HAS3: variants seen among roughly 807,000 people sequenced by gnomAD.
HAS3 encodes the protein HA synthase 3.
Under a neutral mutation model 50.3 loss-of-function variants are expected in HAS3, and 27 were observed. The observed-to-expected ratio is 0.54, with a 90% CI of 0.40 to 0.74. The LOEUF is 0.74. HAS3 is among the 30% of genes least tolerant of loss of function. HAS3 has a pLI of 0.00. For missense variants in HAS3, 517 were observed against 742.8 expected, an observed-to-expected ratio of 0.70 and a Z score of 3.53; for synonymous variants, 339 against 310.9, an observed-to-expected ratio of 1.09 and a Z score of -0.95.
chr16:69,103,197 A>T (rs1289186233), upstream of HAS3, among the ~76,000 whole-genome samples: 1 of 152,196 alleles, frequency 6.6e-6, no homozygotes, highest in African/African-American at 2.4e-5. Context: ...TTTGCTCTCC[A>T]CCAGGCTGAT....
At chr16:69,091,403 C>T in the HAS3 span, among the ~76,000 whole-genome samples, 9 of 152,132 alleles carry the variant, frequency 5.9e-5, no homozygotes, top group South Asian at 6.2e-4. Context: ...CTTTGCATAC[C>T]GAAACGTTTC....
chr16:69,109,342 G>T lies in HAS3; in HGVS notation c.1-54G>T. 6.5e-7 allele frequency: 1 copy of T among 1,545,444 alleles called. No homozygotes were observed. The highest frequency in any genetic ancestry group is 1.2e-5 in the South Asian group (1 of 81,802). ...AACAGAGAACACCCATGCTCCCACGGACTGGAAATGCTGCCTCCTGCCTGA... is the reference window on the plus strand; with the variant it reads ...AACAGAGAACACCCATGCTCCCACGTACTGGAAATGCTGCCTCCTGCCTGA... On this transcript the variant is annotated intron_variant, in intron 1 of 3. Coordinates refer to ENST00000569188, the MANE Select transcript of HAS3 (RefSeq NM_001199280.2). This position sits in a 1 kb window ranked among gnomAD's most constrained non-coding sequence, Gnocchi z 5.3.
At position 69,109,687 on chromosome 16, in the gene HAS3, CCTGA is replaced by C; in HGVS notation, c.295_298del (p.Asp99ThrfsTer139). ...GTGCATTGCCGCATACCAGGAGGACCCTGACTACTTGCGCAAGTGCCTGCGCTCG... is the reference window on the plus strand; with the variant it reads ...GTGCATTGCCGCATACCAGGAGGACCCTACTTGCGCAAGTGCCTGCGCTCG... On this transcript the variant is annotated frameshift_variant, in exon 2 of 4. Coordinates refer to ENST00000569188, the MANE Select transcript of HAS3 (RefSeq NM_001199280.2). LOFTEE classifies it high-confidence loss of function. This position sits in a 1 kb window ranked among gnomAD's most constrained non-coding sequence, Gnocchi z 5.3. 1.2e-6 allele frequency: 2 copies of C among 1,610,366 alleles called. No individual in the cohort carries two copies. Among genetic ancestry groups the C allele is most frequent in the Non-Finnish European group, 1.7e-6 (2 of 1,179,916 alleles).
chr16:69,094,271 A>ATTATCTAAT, the HAS3 span, among the ~76,000 whole-genome samples: 1 of 152,178 alleles, frequency 6.6e-6, no homozygotes. Flanking sequence ...ACACACAGGT[A>ATTATCTAAT]GCCACCTGGC....
At chr16:69,085,377 A>C in the HAS3 span, among the ~76,000 whole-genome samples, 4 of 152,226 alleles carry the variant, frequency 2.6e-5, no homozygotes, top group East Asian at 5.8e-4. Flanking sequence ...CTTTATCTCT[A>C]TTTATAGATC....
chr16:69,094,690 TAG>T, the HAS3 span, among the ~76,000 whole-genome samples: 3 of 152,206 alleles, frequency 2.0e-5, no homozygotes, highest in Admixed American at 2.0e-4. Context: ...TTCTGTCCTT[TAG>T]AAAACAAAGT....
At chr16:69,113,610 C>A in intron 3 of HAS3, 68 bp downstream of exon 3, 1 of 928,454 alleles carries the variant, frequency 1.1e-6, no homozygotes, top group Non-Finnish European at 1.7e-6. Flanking sequence ...ATTGGATATG[C>A]CTGGGAAATG....
At chr16:69,105,006 T>G (rs1477729241), upstream of HAS3, among the ~76,000 whole-genome samples, 78 of 80,336 alleles carry the variant, frequency 9.7e-4, no homozygotes, top group Non-Finnish European at 1.3e-3. Flanking sequence ...TTTTTTTTTT[T>G]TTTTTTTTTT....
Position 69,109,390 on chromosome 16 carries a change from C to A in HAS3, c.1-6C>A. The A allele has an allele frequency of 6.3e-7, 1 of 1,594,456 alleles. No individual in the cohort carries two copies. Among genetic ancestry groups the A allele is most frequent in the Non-Finnish European group, 8.5e-7 (1 of 1,172,566 alleles). ...TGACCCTTCATCTCCTGCCTTCTCT[C>A]GCCAGATGCCGGTGCAGCTGACGAC... On this transcript the variant is annotated splice_polypyrimidine_tract_variant and splice_region_variant and intron_variant, in intron 1 of 3. Coordinates refer to ENST00000569188, the MANE Select transcript of HAS3 (RefSeq NM_001199280.2). The surrounding 1 kb of genome is among the most constrained non-coding windows in gnomAD (Gnocchi z 5.3).
the HAS3 span, among the ~76,000 whole-genome samples, chr16:69,088,675 G>A: frequency 2.0e-5 from 3 of 152,114 alleles, no homozygotes; most frequent in Admixed American, 6.6e-5. Flanking sequence ...TTGTTGTTCA[G>A]AGGTAGCCTC....
intron 3 of HAS3, 28 bp downstream of exon 3, chr16:69,113,570 G>A (rs1567581295): frequency 2.3e-6 from 3 of 1,317,680 alleles, no homozygotes; most frequent in Non-Finnish European, 3.3e-6. Flanking sequence ...ATATCTGTGG[G>A]GAGGGGTCTG....
chr16:69,094,705 A>G, the HAS3 span, among the ~76,000 whole-genome samples: 1 of 152,152 alleles, frequency 6.6e-6, no homozygotes, highest in African/African-American at 2.4e-5. Flanking sequence ...AACAAAGTGA[A>G]TCCAAGTTGT....
chr16:69,108,965 C>A (rs776205804), intron 1 of HAS3, among the ~76,000 whole-genome samples: 1 of 152,170 alleles, frequency 6.6e-6, no homozygotes, highest in Non-Finnish European at 1.5e-5. Flanking sequence ...CCTCCCTGGC[C>A]CTCAGGTGCC....
the HAS3 span, among the ~76,000 whole-genome samples, chr16:69,096,847 G>C: frequency 1.3e-5 from 2 of 151,882 alleles, no homozygotes; most frequent in Non-Finnish European, 2.9e-5. Flanking sequence ...TCAATCTCCT[G>C]ACCTCGTGAT....
At chr16:69,094,929 CT>C in the HAS3 span, among the ~76,000 whole-genome samples, 2 of 151,624 alleles carry the variant, frequency 1.3e-5, no homozygotes, top group African/African-American at 4.9e-5. Context: ...CACATCCTTC[CT>C]TCTTTTATTT....
rs781265163 is a variant in HAS3 at position 69,109,746 on chromosome 16, G to A, written c.351G>A (p.Lys117=). 4.2e-5 allele frequency: 67 copies of A among 1,611,338 alleles called. No homozygotes were observed. Among genetic ancestry groups the A allele is most frequent in the Non-Finnish European group, 5.1e-5 (60 of 1,180,002 alleles). The change falls in exon 2 of 4, where the codon AAG becomes AAA. Residue 117 remains lysine, a synonymous_variant. Transcript: ENST00000569188. The surrounding 1 kb of genome is among the most constrained non-coding windows in gnomAD (Gnocchi z 5.3). The part of the protein sequence containing the change: ...SAQRISFPDL[K]VVMVVDGNRQ... ...AGCGCATCTCCTTCCCTGACCTCAA[G>A]GTGGTCATGGTGGTGGATGGCAACC...
At chr16:69,092,831 A>G in the HAS3 span, among the ~76,000 whole-genome samples, 3 of 152,272 alleles carry the variant, frequency 2.0e-5, no homozygotes, top group Admixed American at 6.5e-5. Flanking sequence ...AATCTCTGGG[A>G]AAACAACCAC....
rs1372534998 is a variant in HAS3, at chr16:69,114,771, C to T, written c.1167C>T (p.Phe389=). 6.2e-7 allele frequency: 1 copy of T among 1,614,162 alleles called. No individual in the cohort carries two copies. The highest frequency in any genetic ancestry group is 1.7e-5 in the Admixed American group (1 of 60,030). ...MTYESVVTGF[F]PFFLIATVIQ... The stretch of plus-strand genomic sequence containing the variant: ...ACGAGTCAGTGGTCACGGGTTTCTT[C>T]CCCTTCTTCCTCATTGCCACGGTTA... Residue 389 remains phenylalanine (F), a synonymous_variant, in exon 4 of 4, where the codon TTC becomes TTT. Transcript: ENST00000569188. The surrounding 1 kb of genome is among the most constrained non-coding windows in gnomAD (Gnocchi z 6.4).
At position 69,107,955 on chromosome 16, in the gene HAS3, G is replaced by C. The variant is rs1960864065; in HGVS notation, c.1-1441G>C. Among the ~76,000 whole-genome samples the C allele has an allele frequency of 6.6e-6, 1 of 152,258 alleles. No homozygotes were observed. Among genetic ancestry groups the C allele is most frequent in the Admixed American group, 6.5e-5 (1 of 15,288 alleles). On this transcript the variant is annotated intron_variant, in intron 1 of 3. Coordinates refer to ENST00000569188, the MANE Select transcript of HAS3 (RefSeq NM_001199280.2). This position sits in a 1 kb window ranked among gnomAD's most constrained non-coding sequence, Gnocchi z 5.5. ...CCGGAGTCTCAGGTCGATTTAGGCA[G>C]TGACTGCGTGTTCTTCGTCCCTTCT... is the stretch of plus-strand genomic sequence containing the variant.
Sources: allele counts gnomAD v4.1 joint callset (sites outside exome capture counted in the v4.1 genomes callset), GRCh38; gene constraint gnomAD v4.1.1; non-coding constraint Gnocchi (gnomAD v3.1); transcripts MANE v1.5; gene names NCBI Gene and HGNC (gene_info 2026-07-23, HGNC 2026-07-21).